STON1: variants seen among roughly 807,000 people sequenced by gnomAD.
STON1 encodes stonin 1.
A neutral mutation model predicts 60.9 loss-of-function variants in STON1; 79 were observed. That is an observed-to-expected ratio of 1.30 (90% CI 1.08 to 1.56). The LOEUF (loss-of-function observed/expected upper bound fraction) is 1.56. Ranked by LOEUF, STON1 falls within the 40% of genes most tolerant of loss-of-function variation. STON1 has a pLI of 0.00. For missense variants in STON1, 1,166 were observed against 858.9 expected (o/e 1.36, Z -4.47); for synonymous variants, 363 against 306.9 (o/e 1.18, Z -1.91).
intron 2 of STON1, among the ~76,000 whole-genome samples, chr2:48,588,976 GAGAA>G (rs2103948328): frequency 6.6e-6 from 1 of 152,304 alleles, no homozygotes; most frequent in South Asian, 2.1e-4. Flanking sequence ...GAGAGAGAAA[GAGAA>G]AGGAAGAAAG....
intron 1 of STON1, among the ~76,000 whole-genome samples, chr2:48,575,214 T>A (rs1247581783): frequency 1.3e-5 from 2 of 152,244 alleles, no homozygotes; most frequent in Non-Finnish European, 2.9e-5. Context: ...TAATACTGAA[T>A]AATATTCTAT....
intron 2 of STON1, among the ~76,000 whole-genome samples, chr2:48,588,035 G>A (rs546554763): frequency 6.6e-6 from 1 of 152,326 alleles, no homozygotes; most frequent in South Asian, 2.1e-4. Context: ...GAGAAGTAGG[G>A]TAATAATAAG....
rs1203798789 is a variant in STON1, at chr2:48,557,163, T to C, written c.-47-23424T>C. Among the ~76,000 whole-genome samples, 4 of 92,258 alleles carry C rather than the reference T, an allele frequency of 4.3e-5. No homozygotes were observed. In the East Asian group the frequency reaches 1.5e-3, roughly 35 times the overall value. The allele number at this position is 92,258 out of a possible 152,430, so 60.5% of individuals were successfully genotyped here. A position where few individuals can be genotyped will look rare whatever the true frequency, so the allele number is the denominator to read the frequency against. On this transcript the variant is annotated intron_variant, in intron 1 of 3. Coordinates refer to ENST00000404752, the MANE Select transcript of STON1 (RefSeq NM_006873.4). ...TGGGGTGGCTGCCGGGCGGAGACGC[T>C]CCTCACTTCTCAGACGGGGCAGCTG...
At chr2:48,571,506 A>C (rs1479411723) in intron 1 of STON1, among the ~76,000 whole-genome samples, 1 of 152,230 alleles carries the variant, frequency 6.6e-6, no homozygotes, top group Admixed American at 6.5e-5. Flanking sequence ...CTTGTAATGC[A>C]GGAACAAAAC....
chr2:48,593,273 G>A (rs567125139), intron 3 of STON1, among the ~76,000 whole-genome samples: 45 of 151,846 alleles, frequency 3.0e-4, no homozygotes, highest in African/African-American at 1.1e-3. Context: ...CTGCCACCAC[G>A]CCTGGCTAAT....
chr2:48,540,342 G>C (rs1471571178), intron 1 of STON1, among the ~76,000 whole-genome samples: 1 of 152,164 alleles, frequency 6.6e-6, no homozygotes, highest in East Asian at 1.9e-4. Flanking sequence ...GCAGCCCTCT[G>C]ACCTTCTGCC....
chr2:48,560,100 T>A (rs890587264), intron 1 of STON1, among the ~76,000 whole-genome samples: 3 of 152,158 alleles, frequency 2.0e-5, no homozygotes, highest in African/African-American at 7.2e-5. Context: ...TTGACCAATT[T>A]TCATAGCAAA....
At chr2:48,563,171 G>T (rs1672678227) in intron 1 of STON1, among the ~76,000 whole-genome samples, 1 of 152,170 alleles carries the variant, frequency 6.6e-6, no homozygotes, top group African/African-American at 2.4e-5. Flanking sequence ...CATTCCCATG[G>T]GAAATCCCCT....
At chr2:48,566,656 G>A (rs1266473646) in intron 1 of STON1, among the ~76,000 whole-genome samples, 1 of 152,210 alleles carries the variant, frequency 6.6e-6, no homozygotes, top group Non-Finnish European at 1.5e-5. Flanking sequence ...AAGTGGGAAG[G>A]AGGGGTTGGT....
Position 48,581,276 on chromosome 2 carries a change from C to A in STON1, c.643C>A (p.Pro215Thr). 6.6e-7 allele frequency: 1 copy of A among 1,518,810 alleles called. No homozygotes were observed. Among genetic ancestry groups the A allele is most frequent in the Non-Finnish European group, 8.8e-7 (1 of 1,137,536 alleles). 94.1% of individuals were successfully genotyped at this position (1,518,810 alleles called of 1,614,324 possible). Residue 215 changes from proline (P) to threonine (T), a missense_variant, in exon 2 of 4, where the codon CCT becomes ACT. Physicochemically the swap from Pro to Thr is conservative, Grantham distance 38. Coordinates refer to ENST00000404752, the MANE Select transcript of STON1 (RefSeq NM_006873.4). ...KMFSSRNKEM[P>T]IDQKSLNKCS... ...GTTCTCATCAAGAAACAAGGAGATG[C>A]CTATTGACCAAAAAAGCCTAAATAA...
At chr2:48,547,326 G>A (rs1236010895) in intron 1 of STON1, among the ~76,000 whole-genome samples, 1 of 152,234 alleles carries the variant, frequency 6.6e-6, no homozygotes, top group Non-Finnish European at 1.5e-5. Context: ...TTGGGACTCT[G>A]ATTTTTAGGC....
chr2:48,542,925 C>G (rs1449944727), intron 1 of STON1, among the ~76,000 whole-genome samples: 1 of 149,638 alleles, frequency 6.7e-6, no homozygotes, highest in African/African-American at 2.5e-5. Flanking sequence ...AAGGTCTAAT[C>G]AGAGACACTT....
rs1392874819 is a variant in STON1, at chr2:48,596,873, C to CA, written c.*1572dup. The CA allele has an allele frequency of 6.6e-6, 1 of 152,006 alleles. No individual in the cohort carries two copies. The highest frequency in any genetic ancestry group is 2.4e-5 in the African/African-American group (1 of 41,366). 9.4% of individuals were successfully genotyped at this position (152,006 alleles called of 1,614,324 possible). A position where few individuals can be genotyped will look rare whatever the true frequency, so the allele number is the denominator to read the frequency against. ...TTTTTATTTTTTACTTTTTTTGAGACAGAGTCTCACTCTGTTGCCCAGCCT... is the reference window on the plus strand; with the variant it reads ...TTTTTATTTTTTACTTTTTTTGAGACAAGAGTCTCACTCTGTTGCCCAGCCT... On this transcript the variant is annotated 3_prime_UTR_variant, in exon 4 of 4. Coordinates refer to ENST00000404752, the MANE Select transcript of STON1 (RefSeq NM_006873.4).
chr2:48,538,696 CA>C (rs1671527961), intron 1 of STON1, among the ~76,000 whole-genome samples: 1 of 149,346 alleles, frequency 6.7e-6, no homozygotes, highest in South Asian at 2.1e-4. Context: ...TTCCAGGGTT[CA>C]AACAATTCTG....
chr2:48,564,572 T>TCTTCTTCTTCTTCTTCTC (rs1672832979), intron 1 of STON1, among the ~76,000 whole-genome samples: 1 of 54,000 alleles, frequency 1.9e-5, no homozygotes, highest in Admixed American at 1.9e-4. Context: ...TTCTTCTCCT[T>TCTTCTTCTTCTTCTTCTC]CTCCTTCTCC....
chr2:48,545,047 A>T (rs1671813939), intron 1 of STON1, among the ~76,000 whole-genome samples: 2 of 152,184 alleles, frequency 1.3e-5, no homozygotes, highest in Non-Finnish European at 2.9e-5. Flanking sequence ...TCTTGGTTTC[A>T]GCAGAGGGTG....
At chr2:48,546,514 G>A (rs1671872584) in intron 1 of STON1, among the ~76,000 whole-genome samples, 1 of 152,200 alleles carries the variant, frequency 6.6e-6, no homozygotes, top group African/African-American at 2.4e-5. Flanking sequence ...ATGGACACTT[G>A]CCACCATCAT....
At chr2:48,567,916 TGAG>T (rs1453139802) in intron 1 of STON1, among the ~76,000 whole-genome samples, 1 of 143,496 alleles carries the variant, frequency 7.0e-6, no homozygotes, top group Non-Finnish European at 1.5e-5. Flanking sequence ...GTGTTGCTCT[TGAG>T]GAGTCTGGCG....
At chr2:48,575,387 C>T (rs1041857025) in intron 1 of STON1, among the ~76,000 whole-genome samples, 3 of 152,150 alleles carry the variant, frequency 2.0e-5, no homozygotes, top group African/African-American at 7.2e-5. Context: ...GGTTCTGTGG[C>T]TCACACCTGT....
Sources: allele counts gnomAD v4.1 joint callset (sites outside exome capture counted in the v4.1 genomes callset), GRCh38; gene constraint gnomAD v4.1.1; transcripts MANE v1.5; gene names NCBI Gene and HGNC (gene_info 2026-07-23, HGNC 2026-07-21).